COL4A6: variants seen among roughly 807,000 people sequenced by gnomAD.
COL4A6 encodes collagen type IV alpha 6 chain.
In COL4A6, 59 loss-of-function variants were observed where a neutral mutation model predicts 126.7. That is an observed-to-expected ratio of 0.47 (90% CI 0.38 to 0.58). The LOEUF is 0.58. Among genes scored for constraint, COL4A6 ranks in the 20% least tolerant of loss-of-function variants. The probability of loss-of-function intolerance (pLI) is 0.00; values close to 1 mark genes in which losing one functional copy is unlikely to be tolerated. For missense variants in COL4A6, 1,285 were observed against 1,337.3 expected (o/e 0.96, Z 0.61); for synonymous variants, 547 against 496.6 (o/e 1.10, Z -1.35).
At chrX:108,327,885 G>C (rs1373361770) in intron 2 of COL4A6, among the ~76,000 whole-genome samples, 1 of 110,680 alleles carries the variant, frequency 9.0e-6, no homozygotes, top group Non-Finnish European at 1.9e-5. Context: ...GGTTCCCACT[G>C]CCCAAATAAG....
chrX:108,419,706 T>A (rs774206747), intron 2 of COL4A6, among the ~76,000 whole-genome samples: 1 of 112,032 alleles, frequency 8.9e-6, no homozygotes, highest in African/African-American at 3.2e-5. Flanking sequence ...ATTGTTATGG[T>A]CAAAGGGTCA....
chrX:108,209,852 T>A, intron 8 of COL4A6, 117 bp downstream of exon 8: 1 of 742,676 alleles, frequency 1.3e-6, no homozygotes. Flanking sequence ...CTACTTCAAC[T>A]GTCTAGATTT....
intron 2 of COL4A6, among the ~76,000 whole-genome samples, chrX:108,416,277 A>G (rs775738096): frequency 6.3e-5 from 7 of 111,872 alleles, no homozygotes; most frequent in Non-Finnish European, 1.1e-4. Context: ...AATATTATTT[A>G]TAGCATAAAG....
chrX:108,296,726 A>G (rs181221653), intron 3 of COL4A6, among the ~76,000 whole-genome samples: 2 of 111,965 alleles, frequency 1.8e-5, no homozygotes, highest in East Asian at 2.8e-4. Context: ...ATGTGTGCTA[A>G]GCACTTTAAA....
chrX:108,325,958 A>G (rs2039147781), intron 2 of COL4A6, among the ~76,000 whole-genome samples: 1 of 112,250 alleles, frequency 8.9e-6, no homozygotes, highest in South Asian at 3.7e-4. Context: ...AATACTACAG[A>G]TATCATCGTG....
chrX:108,303,348 G>A (rs1464987906), intron 3 of COL4A6, among the ~76,000 whole-genome samples: 1 of 110,871 alleles, frequency 9.0e-6, no homozygotes, highest in Non-Finnish European at 1.9e-5. Context: ...AGAACAAGAA[G>A]CAAAAAGGGG....
In COL4A6 at chrX:108,425,731, CAA is replaced by C. The variant is rs200951508; in HGVS notation, c.63+12209_63+12210del. Among the ~76,000 whole-genome samples, 287 of 104,111 alleles carry C rather than the reference CAA, an allele frequency of 2.8e-3. 3 individuals carry two copies. The East Asian group carries it at 0.029, about 11-fold the overall frequency. 90.4% of individuals were successfully genotyped at this position (104,111 alleles called of 115,157 possible). Reference sequence around the variant, plus strand: ...CCTGGGCGACAGCACAACACACACACAAACACACACACACACACACACACACA... The same window carrying C: ...CCTGGGCGACAGCACAACACACACACACACACACACACACACACACACACA... On this transcript the variant is annotated intron_variant, in intron 2 of 44. Coordinates refer to ENST00000334504, the MANE Select transcript of COL4A6 (RefSeq NM_033641.4).
At chrX:108,320,532 A>C (rs747871290) in intron 2 of COL4A6, among the ~76,000 whole-genome samples, 2 of 111,305 alleles carry the variant, frequency 1.8e-5, no homozygotes, top group Non-Finnish European at 3.8e-5. Flanking sequence ...GGCAAGGGGC[A>C]GTAGAAAGGT....
At chrX:108,204,810 G>A (rs1463054624) in intron 11 of COL4A6, among the ~76,000 whole-genome samples, 1 of 111,652 alleles carries the variant, frequency 9.0e-6, no homozygotes, top group Admixed American at 9.5e-5. Context: ...TTAGAACATT[G>A]GAGGCAAGAG....
chrX:108,272,580 A>T (rs2037482168), intron 3 of COL4A6, among the ~76,000 whole-genome samples: 1 of 112,028 alleles, frequency 8.9e-6, no homozygotes, highest in Non-Finnish European at 1.9e-5. Flanking sequence ...AATTTAATTA[A>T]AACCAAGCAA....
At chrX:108,383,809 T>C in intron 2 of COL4A6, 2 of 502,620 alleles carry the variant, frequency 4.0e-6, no homozygotes, top group Non-Finnish European at 7.2e-6. Flanking sequence ...CTCAAAACAA[T>C]ATGAGATTTT....
intron 19 of COL4A6, among the ~76,000 whole-genome samples, chrX:108,190,822 AAAAGAGG>A (rs2148155376): frequency 8.9e-6 from 1 of 112,495 alleles, no homozygotes; most frequent in East Asian, 2.8e-4. Flanking sequence ...CCCCTAGGAC[AAAAGAGG>A]AAAGAGGTGC....
chrX:108,180,152 G>C (rs1055570468), intron 25 of COL4A6, among the ~76,000 whole-genome samples: 1 of 110,973 alleles, frequency 9.0e-6, no homozygotes, highest in South Asian at 3.9e-4. Flanking sequence ...CCCTTAAGGA[G>C]TTGATCCAGG....
At chrX:108,314,299 TGAA>T (rs1441162905) in intron 2 of COL4A6, among the ~76,000 whole-genome samples, 1 of 112,070 alleles carries the variant, frequency 8.9e-6, no homozygotes, top group Non-Finnish European at 1.9e-5. Flanking sequence ...ATGATAACAC[TGAA>T]GAAGATTATT....
chrX:108,400,381 T>C (rs1310406488), intron 2 of COL4A6, among the ~76,000 whole-genome samples: 1 of 111,391 alleles, frequency 9.0e-6, no homozygotes, highest in Non-Finnish European at 1.9e-5. Context: ...TTGCTTGTAA[T>C]AGATTAAATT....
intron 3 of COL4A6, among the ~76,000 whole-genome samples, chrX:108,281,916 A>G (rs2037844338): frequency 9.1e-6 from 1 of 110,233 alleles, no homozygotes; most frequent in Non-Finnish European, 1.9e-5. Flanking sequence ...TATTTAATAA[A>G]TGGTACTGGG....
intron 8 of COL4A6, among the ~76,000 whole-genome samples, chrX:108,207,542 A>T (rs1693060849): frequency 8.9e-6 from 1 of 111,770 alleles, no homozygotes; most frequent in South Asian, 3.7e-4. Flanking sequence ...ATGGATAGAT[A>T]GATAGAAGGA....
chrX:108,227,429 G>A (rs773018340), intron 3 of COL4A6, among the ~76,000 whole-genome samples: 29 of 111,264 alleles, frequency 2.6e-4, no homozygotes, highest in Non-Finnish European at 4.9e-4. Context: ...GAGAACATGT[G>A]GCCAAGGTGG....
intron 2 of COL4A6, among the ~76,000 whole-genome samples, chrX:108,420,109 G>T (rs1413526463): frequency 9.0e-6 from 1 of 111,547 alleles, no homozygotes; most frequent in Non-Finnish European, 1.9e-5. Context: ...CATTAGGGCT[G>T]CTCACTGAAC....
Sources: gnomAD v4.1 joint callset for allele counts (sites outside exome capture counted in the v4.1 genomes callset) on GRCh38, gnomAD v4.1.1 for gene constraint, MANE v1.5 for transcripts, NCBI Gene and HGNC (gene_info 2026-07-23, HGNC 2026-07-21) for gene names.